Variants in PATJ observed in about 807,000 individuals in gnomAD.
PATJ encodes the protein inaD-like protein.
PATJ carries 190 observed loss-of-function variants against 224.9 expected under a neutral mutation model. The ratio of observed to expected loss-of-function variants is 0.84; its 90% CI spans 0.75 to 0.95. The LOEUF is 0.95. PATJ is among the 40% of genes least tolerant of loss of function. PATJ has a pLI of 0.00. For synonymous variants in PATJ, 769 were observed against 820.3 expected (o/e 0.94, Z 1.07); for missense variants, 2,121 against 2,270.3 (o/e 0.93, Z 1.34).
intron 31 of PATJ, among the ~76,000 whole-genome samples, chr1:62,075,294 AT>A (rs890681250): frequency 2.0e-5 from 3 of 152,098 alleles, no homozygotes; most frequent in Non-Finnish European, 2.9e-5. Flanking sequence ...TGGAAGTGGA[AT>A]TTTCCATCCC....
chr1:61,814,105 T>C (rs1023214104), intron 14 of PATJ, among the ~76,000 whole-genome samples: 11 of 150,074 alleles, frequency 7.3e-5, no homozygotes, highest in African/African-American at 2.7e-4. Flanking sequence ...AGAAAAAGAG[T>C]CACCCAAAAT....
intron 27 of PATJ, among the ~76,000 whole-genome samples, chr1:61,977,490 T>C (rs1644202351): frequency 6.6e-6 from 1 of 151,994 alleles, no homozygotes; most frequent in Non-Finnish European, 1.5e-5. Context: ...AAGGAAATAA[T>C]AGTAGAATTT....
chr1:61,878,945 G>A (rs189571658), intron 21 of PATJ, among the ~76,000 whole-genome samples: 2,161 of 151,980 alleles, frequency 0.014, 19 homozygotes, highest in Non-Finnish European at 0.021. Context: ...CACCACACCC[G>A]GCTAATTTTT....
intron 41 of PATJ, among the ~76,000 whole-genome samples, chr1:62,130,968 T>G (rs1469968427): frequency 6.6e-6 from 1 of 152,188 alleles, no homozygotes; most frequent in Non-Finnish European, 1.5e-5. Context: ...TCAGTATGTA[T>G]GAGGGGTATA....
At chr1:61,935,322 CCCTT>C (rs1468413662) in intron 27 of PATJ, among the ~76,000 whole-genome samples, 1 of 152,184 alleles carries the variant, frequency 6.6e-6, no homozygotes, top group Non-Finnish European at 1.5e-5. Context: ...AATCCTAAAG[CCCTT>C]CCTTTATACT....
intron 27 of PATJ, among the ~76,000 whole-genome samples, chr1:61,939,977 A>G (rs866355848): frequency 2.6e-5 from 4 of 152,004 alleles, no homozygotes; most frequent in Admixed American, 1.3e-4. Context: ...CCCGGCCTAT[A>G]TATGCTTATT....
intron 28 of PATJ, among the ~76,000 whole-genome samples, chr1:61,994,439 T>C (rs1034629434): frequency 6.6e-6 from 1 of 152,248 alleles, no homozygotes; most frequent in Non-Finnish European, 1.5e-5. Context: ...AGTTCATTTA[T>C]ATTAATGCCT....
At chr1:61,970,128 A>G (rs1318285079) in intron 27 of PATJ, among the ~76,000 whole-genome samples, 2 of 151,770 alleles carry the variant, frequency 1.3e-5, no homozygotes, top group African/African-American at 2.4e-5. Context: ...TATCCAAGAA[A>G]CCATTGCCAA....
chr1:61,760,741 C>T (rs1434129090), intron 1 of PATJ, among the ~76,000 whole-genome samples: 6 of 150,626 alleles, frequency 4.0e-5, no homozygotes, highest in Admixed American at 6.6e-5. Flanking sequence ...CTCAGCCTCC[C>T]GAGTAGCTGG....
chr1:61,949,798 TG>T lies in PATJ; in HGVS notation c.3670+21972del, dbSNP rs1238238426. Among the ~76,000 whole-genome samples the T allele has an allele frequency of 3.4e-5, 5 of 147,960 alleles. No homozygotes were observed. In the East Asian group the frequency reaches 1.1e-3, roughly 33 times the overall value. ...GCATATGCCTGTAATACTGGCTACT[TG>T]GGAGGCTGAGGCAGGAGAATCACAT... is the stretch of plus-strand genomic sequence containing the variant. On this transcript the variant is annotated intron_variant, in intron 27 of 43. Coordinates refer to ENST00000642238, the MANE Select transcript of PATJ (RefSeq NM_001350145.3).
chr1:62,051,145 C>T, intron 31 of PATJ, 87 bp downstream of exon 31: 1 of 960,492 alleles, frequency 1.0e-6, no homozygotes, highest in Admixed American at 2.0e-5. Flanking sequence ...AACCACCTAT[C>T]ATGTTTGCTT....
In PATJ at chr1:61,796,168, T is replaced by C. The variant is rs185404617; in HGVS notation, c.1260+610T>C. ...TGAATCCTTGTCCTTCAAATCTATC[T>C]AAGAAAGCACATTTCATGACTCTTG... is the stretch of plus-strand genomic sequence containing the variant. On this transcript the variant is annotated intron_variant, in intron 10 of 43. Coordinates refer to ENST00000642238, the MANE Select transcript of PATJ (RefSeq NM_001350145.3). Among the ~76,000 whole-genome samples the C allele has an allele frequency of 1.8e-4, 27 of 152,290 alleles. No homozygotes were observed. The East Asian group carries it at 5.2e-3, about 29-fold the overall frequency.
chr1:61,915,110 T>C (rs1673268394), intron 26 of PATJ, among the ~76,000 whole-genome samples: 1 of 152,262 alleles, frequency 6.6e-6, no homozygotes, highest in African/African-American at 2.4e-5. Flanking sequence ...AATCCTCCAT[T>C]CCTGTTTGCC....
At chr1:62,042,909 A>G (rs1455898088) in intron 30 of PATJ, among the ~76,000 whole-genome samples, 1 of 152,176 alleles carries the variant, frequency 6.6e-6, no homozygotes, top group East Asian at 1.9e-4. Flanking sequence ...AGCCTCCCAA[A>G]GTGCTGGGAT....
At chr1:61,881,047 T>C (rs998490517) in intron 21 of PATJ, among the ~76,000 whole-genome samples, 1 of 152,168 alleles carries the variant, frequency 6.6e-6, no homozygotes, top group African/African-American at 2.4e-5. Context: ...TGAGTCAAGA[T>C]TGCACCACTG....
At chr1:61,931,844 G>A (rs777167816) in intron 27 of PATJ, among the ~76,000 whole-genome samples, 3 of 152,146 alleles carry the variant, frequency 2.0e-5, no homozygotes, top group Non-Finnish European at 2.9e-5. Context: ...GGGCTTTTTT[G>A]AGACTGTGAC....
chr1:61,941,125 C>T (rs1677756537), intron 27 of PATJ, among the ~76,000 whole-genome samples: 1 of 152,164 alleles, frequency 6.6e-6, no homozygotes, highest in Non-Finnish European at 1.5e-5. Context: ...ACTTTAACTT[C>T]ATTTCTCCCT....
intron 27 of PATJ, among the ~76,000 whole-genome samples, chr1:61,939,777 GT>G (rs1557908684): frequency 7.3e-6 from 1 of 136,166 alleles, no homozygotes; most frequent in Admixed American, 8.2e-5. Flanking sequence ...CAGTTCAAGT[GT>G]TTCTCCTGCC....
chr1:62,024,293 C>T (rs117933229), intron 29 of PATJ, among the ~76,000 whole-genome samples: 4,677 of 152,176 alleles, frequency 0.031, 425 homozygotes, highest in East Asian at 0.21. Flanking sequence ...CTTCTTTGTA[C>T]ATCTGGTAGA....
Sources: gnomAD v4.1 joint callset for allele counts (sites outside exome capture counted in the v4.1 genomes callset) on GRCh38, gnomAD v4.1.1 for gene constraint, MANE v1.5 for transcripts, NCBI Gene and HGNC (gene_info 2026-07-23, HGNC 2026-07-21) for gene names.